The following PRIM2 variants were observed in gnomAD, a reference collection of about 807,000 sequenced individuals.
The protein encoded by PRIM2 is DNA primase large subunit.
PRIM2 carries 39 observed loss-of-function variants against 67.3 expected under a neutral mutation model. The ratio of observed to expected loss-of-function variants is 0.58; its 90% CI spans 0.45 to 0.76. The LOEUF is 0.76. Ranked by LOEUF, PRIM2 falls within the 30% of genes least tolerant of loss-of-function variation. The probability of loss-of-function intolerance (pLI) is 0.00; values close to 1 mark genes in which losing one functional copy is unlikely to be tolerated. For synonymous variants in PRIM2, 143 were observed against 198.7 expected (o/e 0.72, Z 2.36); for missense variants, 398 against 598.7 (o/e 0.66, Z 3.50).
At chr6:57,406,711 A>C (rs1306597626) in intron 7 of PRIM2, among the ~76,000 whole-genome samples, 1 of 152,170 alleles carries the variant, frequency 6.6e-6, no homozygotes, top group African/African-American at 2.4e-5. Context: ...GGGTACTAAG[A>C]GTAGAAGGAA....
chr6:57,364,481 T>G (rs1769291753), intron 5 of PRIM2, among the ~76,000 whole-genome samples: 1 of 152,200 alleles, frequency 6.6e-6, no homozygotes, highest in African/African-American at 2.4e-5. Context: ...CCACACCATA[T>G]ATACTTTGGG....
the PRIM2 span, among the ~76,000 whole-genome samples, chr6:57,308,754 A>G: frequency 1.3e-5 from 2 of 152,146 alleles, no homozygotes; most frequent in African/African-American, 2.4e-5. Flanking sequence ...CATTTCTTCA[A>G]TTACTAATGT....
intron 7 of PRIM2, among the ~76,000 whole-genome samples, chr6:57,484,929 A>G (rs1773718790): frequency 1.3e-5 from 2 of 152,288 alleles, no homozygotes; most frequent in East Asian, 3.9e-4. Flanking sequence ...ATTAGAAGAC[A>G]GGGACTTTGC....
chr6:57,614,217 G>T (rs1280321999), intron 12 of PRIM2, among the ~76,000 whole-genome samples: 2 of 152,148 alleles, frequency 1.3e-5, no homozygotes, highest in Non-Finnish European at 2.9e-5. Flanking sequence ...TAGGTTGTGC[G>T]CTCCTTATGA....
chr6:57,391,257 T>A (rs1770335623), intron 7 of PRIM2, among the ~76,000 whole-genome samples: 1 of 147,778 alleles, frequency 6.8e-6, no homozygotes, highest in African/African-American at 2.5e-5. Context: ...TATATTTAAA[T>A]TCCTTATAGA....
chr6:57,609,538 C>T, intron 12 of PRIM2, among the ~76,000 whole-genome samples: 1 of 152,146 alleles, frequency 6.6e-6, no homozygotes. Flanking sequence ...AATATACTAA[C>T]ATTATCTCAA....
chr6:57,350,887 A>G (rs1243625069), intron 5 of PRIM2, among the ~76,000 whole-genome samples: 4 of 151,982 alleles, frequency 2.6e-5, no homozygotes, highest in Admixed American at 1.3e-4. Context: ...AAATGTGCTC[A>G]TGTATTTTCC....
chr6:57,253,780 C>G, the PRIM2 span, among the ~76,000 whole-genome samples: 2 of 152,222 alleles, frequency 1.3e-5, no homozygotes, highest in Non-Finnish European at 2.9e-5. Context: ...GGAGAATCAA[C>G]ATTCAGGGCT....
At chr6:57,255,097 G>A in the PRIM2 span, among the ~76,000 whole-genome samples, 5 of 152,094 alleles carry the variant, frequency 3.3e-5, no homozygotes, top group Non-Finnish European at 7.4e-5. Flanking sequence ...AGCTTGGTCC[G>A]GAAACAGTTT....
At chr6:57,307,434 T>C in the PRIM2 span, among the ~76,000 whole-genome samples, 1 of 151,774 alleles carries the variant, frequency 6.6e-6, no homozygotes, top group Admixed American at 6.6e-5. Context: ...TTTGTATTTT[T>C]AGTAGAGATG....
At chr6:57,455,216 C>T (rs1267867163) in intron 7 of PRIM2, among the ~76,000 whole-genome samples, 3 of 151,934 alleles carry the variant, frequency 2.0e-5, no homozygotes, top group African/African-American at 4.8e-5. Context: ...CTATGTGGTC[C>T]ATTTTGGAAT....
chr6:57,440,679 G>C (rs1772176036), intron 7 of PRIM2, among the ~76,000 whole-genome samples: 1 of 152,074 alleles, frequency 6.6e-6, no homozygotes, highest in South Asian at 2.1e-4. Context: ...TGACATTGAG[G>C]GAATACCTTT....
intron 5 of PRIM2, among the ~76,000 whole-genome samples, chr6:57,371,920 A>G (rs1466769192): frequency 6.6e-6 from 1 of 152,272 alleles, no homozygotes; most frequent in Non-Finnish European, 1.5e-5. Flanking sequence ...TGCAAAGTGA[A>G]AGGTAAATAG....
At chr6:57,550,395 C>CT (rs1407829270) in intron 10 of PRIM2, among the ~76,000 whole-genome samples, 1 of 152,022 alleles carries the variant, frequency 6.6e-6, no homozygotes, top group Admixed American at 6.5e-5. Flanking sequence ...GTTGGGCTTG[C>CT]TTTCATGAAT....
At chr6:57,629,695 T>C (rs1777011072) in intron 12 of PRIM2, among the ~76,000 whole-genome samples, 2 of 149,116 alleles carry the variant, frequency 1.3e-5, no homozygotes, top group Non-Finnish European at 3.0e-5. Context: ...ACCTCTCTCC[T>C]TTCCAATCTG....
intron 4 of PRIM2, among the ~76,000 whole-genome samples, chr6:57,325,714 T>G (rs981119964): frequency 2.6e-5 from 4 of 152,234 alleles, no homozygotes; most frequent in African/African-American, 9.6e-5. Context: ...TTTTAATTTT[T>G]AACACCCCCT....
At chr6:57,502,381 GACT>G (rs2127458046) in intron 7 of PRIM2, among the ~76,000 whole-genome samples, 1 of 152,274 alleles carries the variant, frequency 6.6e-6, no homozygotes, top group East Asian at 1.9e-4. Context: ...CCTGACAAGA[GACT>G]ACTAACTACA....
chr6:57,489,050 C>CA (rs1474293134), intron 7 of PRIM2, among the ~76,000 whole-genome samples: 1 of 152,184 alleles, frequency 6.6e-6, no homozygotes, highest in Non-Finnish European at 1.5e-5. Flanking sequence ...AATGCAGGCC[C>CA]AGGCACATCC....
intron 6 of PRIM2, among the ~76,000 whole-genome samples, chr6:57,380,389 G>A (rs1562721704): frequency 6.6e-6 from 1 of 152,060 alleles, no homozygotes; most frequent in South Asian, 2.1e-4. Context: ...CTCTGACATC[G>A]TGGTGTCTTG....
Sources: gnomAD v4.1 joint callset for allele counts (sites outside exome capture counted in the v4.1 genomes callset) on GRCh38, gnomAD v4.1.1 for gene constraint, MANE v1.5 for transcripts, NCBI Gene and HGNC (gene_info 2026-07-23, HGNC 2026-07-21) for gene names.